The following UNC13B variants were observed in gnomAD, a reference collection of about 807,000 sequenced individuals.
UNC13B encodes unc-13 homolog B, also known as protein unc-13 homolog B.
A neutral mutation model predicts 211.0 loss-of-function variants in UNC13B; 144 were observed. The ratio of observed to expected loss-of-function variants is 0.68; its 90% CI spans 0.60 to 0.78. The LOEUF is 0.78. UNC13B is among the 30% of genes least tolerant of loss of function. The pLI, the probability that UNC13B is intolerant of heterozygous loss-of-function variation, is 0.00. For missense variants in UNC13B, 1,777 were observed against 2,002.0 expected, an observed-to-expected ratio of 0.89 and a Z score of 2.14; for synonymous variants, 709 against 725.8, an observed-to-expected ratio of 0.98 and a Z score of 0.37.
intron 18 of UNC13B, 73 bp downstream of exon 18, chr9:35,380,712 C>T: frequency 6.3e-7 from 1 of 1,578,070 alleles, no homozygotes; most frequent in East Asian, 2.2e-5. Context: ...GTCCTTCTAC[C>T]AAAACCACCA....
chr9:35,253,014 A>AT (rs1826605171), intron 6 of UNC13B, among the ~76,000 whole-genome samples: 1 of 152,152 alleles, frequency 6.6e-6, no homozygotes, highest in Non-Finnish European at 1.5e-5. Context: ...TCTCTTTTAT[A>AT]TTTTTAGAAT....
intron 13 of UNC13B, among the ~76,000 whole-genome samples, chr9:35,372,167 G>A (rs1834173696): frequency 2.0e-5 from 3 of 152,318 alleles, no homozygotes; most frequent in African/African-American, 7.2e-5. Context: ...AGCTACTTGG[G>A]AGGCTGAGGC....
chr9:35,242,740 A>G (rs1825877260), intron 5 of UNC13B, among the ~76,000 whole-genome samples: 1 of 152,182 alleles, frequency 6.6e-6, no homozygotes, highest in Non-Finnish European at 1.5e-5. Context: ...TAATGCTACT[A>G]GGAACTTGGG....
intron 2 of UNC13B, among the ~76,000 whole-genome samples, chr9:35,228,733 TGTGTGTG>T (rs2131492427): frequency 6.6e-6 from 1 of 151,558 alleles, no homozygotes; most frequent in South Asian, 2.1e-4. Context: ...TGTGTGTGTG[TGTGTGTG>T]TGTGTGTGTA....
At chr9:35,382,253 G>A in intron 20 of UNC13B, 104 bp from the exon 21 acceptor site, 2 of 1,478,556 alleles carry the variant, frequency 1.4e-6, no homozygotes, top group Non-Finnish European at 1.8e-6. Flanking sequence ...GGCAGCAATT[G>A]CCCTGGCTGT....
At chr9:35,374,639 C>T (rs1834278580) in intron 13 of UNC13B, among the ~76,000 whole-genome samples, 1 of 152,372 alleles carries the variant, frequency 6.6e-6, no homozygotes, top group East Asian at 1.9e-4. Flanking sequence ...GCCTGCTGGC[C>T]TCTGCAGCCA....
chr9:35,371,406 C>A (rs774338864), intron 13 of UNC13B, among the ~76,000 whole-genome samples: 4 of 150,940 alleles, frequency 2.7e-5, no homozygotes, highest in Non-Finnish European at 5.9e-5. Context: ...TCTCAAACTC[C>A]CGGGCTCAAG....
In UNC13B at chr9:35,306,330, A is replaced by G; in HGVS notation, c.6926A>G (p.Lys2309Arg). ...ELSVDKDCQE[K>R]LSSNIVPGTS... is the part of the protein sequence containing the mutation. ...AGTGTAGACAAGGACTGTCAGGAAA[A>G]ACTGAGTTCCAATATTGTACCAGGG... Residue 2309 changes from lysine (K) to arginine (R), a missense_variant, in exon 9 of 40, where the codon AAA (lysine) becomes AGA (arginine). Coordinates refer to ENST00000635942, the MANE Select transcript of UNC13B (RefSeq NM_001371189.2). 2.5e-6 allele frequency: 1 copy of G among 398,922 alleles called. No homozygotes were observed. The highest frequency in any genetic ancestry group is 1.3e-4 in the South Asian group (1 of 7,848). 24.7% of individuals were successfully genotyped at this position (398,922 alleles called of 1,614,324 possible).
At chr9:35,214,165 C>T (rs190894619) in intron 1 of UNC13B, among the ~76,000 whole-genome samples, 9 of 152,222 alleles carry the variant, frequency 5.9e-5, no homozygotes, top group Middle Eastern at 3.4e-3. Context: ...TGGTGGCTCA[C>T]GCATATAATC....
In UNC13B at chr9:35,403,091, GT is replaced by G. The variant is rs1836429891; in HGVS notation, c.12485-75del. On this transcript the variant is annotated intron_variant, in intron 37 of 39. Coordinates refer to ENST00000635942, the MANE Select transcript of UNC13B (RefSeq NM_001371189.2). Reference sequence around the variant, plus strand: ...ATTGCTTCTTGCTTTTGGGTATAGGGTGGTGACCTCCTCACCCCTCAGGTTT... The same window carrying G: ...ATTGCTTCTTGCTTTTGGGTATAGGGGGTGACCTCCTCACCCCTCAGGTTT... The G allele has an allele frequency of 3.3e-5, 44 of 1,343,164 alleles. No individual in the cohort carries two copies. The South Asian group carries it at 5.0e-4, about 15-fold the overall frequency. 83.2% of individuals were successfully genotyped at this position (1,343,164 alleles called of 1,614,324 possible).
At chr9:35,181,602 C>A (rs373371188) in intron 1 of UNC13B, among the ~76,000 whole-genome samples, 15 of 152,126 alleles carry the variant, frequency 9.9e-5, no homozygotes, top group African/African-American at 3.6e-4. Flanking sequence ...TTTGGGAGGC[C>A]GGAGTGGGTG....
chr9:35,290,529 A>G (rs1165914270), intron 7 of UNC13B, among the ~76,000 whole-genome samples: 1 of 151,370 alleles, frequency 6.6e-6, no homozygotes, highest in Non-Finnish European at 1.5e-5. Flanking sequence ...CCATTCTTTG[A>G]CCTTTTAACT....
intron 1 of UNC13B, among the ~76,000 whole-genome samples, chr9:35,165,401 T>C (rs1820979853): frequency 6.6e-6 from 1 of 150,734 alleles, no homozygotes; most frequent in Admixed American, 6.7e-5. Flanking sequence ...CAGCGGGTGA[T>C]TGACTTGAAT....
rs577768507 is a variant in UNC13B, at chr9:35,307,320, A to G, written c.7916A>G (p.Asp2639Gly). 3 of 399,026 alleles carry G rather than the reference A, an allele frequency of 7.5e-6. No homozygotes were observed. The highest frequency in any genetic ancestry group is 2.5e-4 in the South Asian group (2 of 7,848). The allele number at this position is 399,026 out of a possible 1,614,324, so 24.7% of individuals were successfully genotyped here. A position where few individuals can be genotyped will look rare whatever the true frequency, so the allele number is the denominator to read the frequency against. The change falls in exon 9 of 40, where the codon GAC (aspartate) becomes GGC (glycine). Residue 2639 changes from aspartate to glycine, a missense_variant. Transcript: ENST00000635942. ...EGDMGILQAT[D>G]TEASLEAENF... ...GACATGGGGATATTGCAAGCTACAG[A>G]CACGGAGGCATCGTTAGAAGCAGAG...
chr9:35,190,852 C>T (rs1822618656), intron 1 of UNC13B, among the ~76,000 whole-genome samples: 1 of 152,188 alleles, frequency 6.6e-6, no homozygotes, highest in Non-Finnish European at 1.5e-5. Context: ...TTAGCCACAC[C>T]AAGCAGTTAA....
intron 11 of UNC13B, among the ~76,000 whole-genome samples, chr9:35,350,134 T>C (rs1343744887): frequency 6.6e-6 from 1 of 152,196 alleles, no homozygotes; most frequent in Non-Finnish European, 1.5e-5. Context: ...TTCCTCCTTG[T>C]ACTTTCCACT....
intron 37 of UNC13B, 46 bp downstream of exon 37, chr9:35,400,489 A>G (rs377535057): frequency 9.6e-5 from 153 of 1,586,272 alleles, no homozygotes; most frequent in Admixed American, 4.5e-4. Flanking sequence ...TCTCTGATAC[A>G]CATCTTCCCC....
At chr9:35,200,854 C>T (rs2131374973) in intron 1 of UNC13B, among the ~76,000 whole-genome samples, 1 of 152,274 alleles carries the variant, frequency 6.6e-6, no homozygotes, top group African/African-American at 2.4e-5. Flanking sequence ...TTGCCCTGGC[C>T]AGAACTTCCA....
At chr9:35,322,821 T>C (rs917447875) in intron 11 of UNC13B, among the ~76,000 whole-genome samples, 5 of 152,100 alleles carry the variant, frequency 3.3e-5, no homozygotes, top group Admixed American at 2.6e-4. Context: ...TCTGATCATG[T>C]CTGCCTATCT....
Sources: gnomAD v4.1 joint callset for allele counts (sites outside exome capture counted in the v4.1 genomes callset) on GRCh38, gnomAD v4.1.1 for gene constraint, MANE v1.5 for transcripts, NCBI Gene and HGNC (gene_info 2026-07-23, HGNC 2026-07-21) for gene names.